The following GRK1 variants were observed in gnomAD, a reference collection of about 807,000 sequenced individuals.
GRK1 encodes G protein-coupled receptor kinase 1, also known as rhodopsin kinase GRK1.
Under a neutral mutation model 41.7 loss-of-function variants are expected in GRK1, and 28 were observed. The ratio of observed to expected loss-of-function variants is 0.67; its 90% CI spans 0.50 to 0.92. The LOEUF (loss-of-function observed/expected upper bound fraction) is 0.92, where lower values mean the gene tolerates loss of function less well. Ranked by LOEUF, GRK1 falls within the 40% of genes least tolerant of loss-of-function variation. The probability of loss-of-function intolerance (pLI) is 0.00; values close to 1 mark genes in which losing one functional copy is unlikely to be tolerated. For synonymous variants in GRK1, 327 were observed against 286.7 expected (o/e 1.14, Z -1.42); for missense variants, 703 against 671.2 (o/e 1.05, Z -0.52).
upstream of GRK1, among the ~76,000 whole-genome samples, chr13:113,662,900 C>A (rs2049798362): frequency 6.6e-6 from 1 of 152,170 alleles, no homozygotes; most frequent in South Asian, 2.1e-4. Flanking sequence ...TAATTCCTAT[C>A]AAAATCCAGA....
intron 4 of GRK1, among the ~76,000 whole-genome samples, chr13:113,728,646 G>A (rs376412172): frequency 3.9e-5 from 6 of 152,108 alleles, no homozygotes; most frequent in Non-Finnish European, 5.9e-5. Flanking sequence ...ACTCAGAGAC[G>A]CCCCGGCTCC....
Position 113,733,975 on chromosome 13 carries a change from T to C in GRK1, c.1396+890T>C, listed in dbSNP as rs992793426. ...GTGTGCATACGTGTGTGTGCGTGTGTGCGCATGTGTGTGCATACATGTGTG... is the reference window on the plus strand; with the variant it reads ...GTGTGCATACGTGTGTGTGCGTGTGCGCGCATGTGTGTGCATACATGTGTG... On this transcript the variant is annotated intron_variant, in intron 6 of 6. Transcript: ENST00000335678. Among the ~76,000 whole-genome samples the C allele has an allele frequency of 6.7e-4, 79 of 117,380 alleles. 4 individuals carry two copies. Among genetic ancestry groups the C allele is most frequent in the Admixed American group, 2.6e-3 (31 of 12,120 alleles). The allele number at this position is 117,380 out of a possible 152,430, so 77.0% of individuals were successfully genotyped here.
At chr13:113,658,300 G>A in the GRK1 span, 68 of 672,248 alleles carry the variant, frequency 1.0e-4, no homozygotes, top group African/African-American at 6.9e-4. Context: ...GTTTATCAGC[G>A]CCGGCCATCG....
At chr13:113,652,753 A>T in the GRK1 span, 1 of 1,142,408 alleles carries the variant, frequency 8.8e-7, no homozygotes, top group Non-Finnish European at 1.3e-6. Context: ...GTGAGGCTGG[A>T]GTCCCTGTCC....
chr13:113,661,465 A>AAAGC, the GRK1 span, among the ~76,000 whole-genome samples: 1 of 152,132 alleles, frequency 6.6e-6, no homozygotes, highest in African/African-American at 2.4e-5. Context: ...AAACAAAGCA[A>AAAGC]AAGCAAGCAA....
chr13:113,733,974 G>A (rs1443514086), intron 6 of GRK1, among the ~76,000 whole-genome samples: 2 of 118,294 alleles, frequency 1.7e-5, no homozygotes, highest in Admixed American at 1.6e-4. Context: ...GTGTGCGTGT[G>A]TGCGCATGTG....
chr13:113,733,890 C>CGTGTGT (rs1195094143), intron 6 of GRK1, among the ~76,000 whole-genome samples: 1 of 70,546 alleles, frequency 1.4e-5, no homozygotes, highest in Non-Finnish European at 2.9e-5. Context: ...TACGTGTGTG[C>CGTGTGT]GTGTGTGTAT....
the GRK1 span, chr13:113,651,723 ACGATCTAGAAGGGAAAAG>A: frequency 6.2e-7 from 1 of 1,613,742 alleles, no homozygotes; most frequent in Non-Finnish European, 8.5e-7. Context: ...GAGGAACTTG[ACGATCTAGAAGGGAAAAG>A]CTTGAGCGTG....
chr13:113,733,886 TGTGCGTGTGTGTATGTGTGCATACA>T (rs1566700217), intron 6 of GRK1, among the ~76,000 whole-genome samples: 15 of 100,208 alleles, frequency 1.5e-4, no homozygotes, highest in African/African-American at 7.0e-4. Flanking sequence ...TGCATACGTG[TGTGCGTGTGTGTATGTGTGCATACA>T]GTGTGCGTGT....
rs565688978 is a variant in GRK1, at chr13:113,733,801, ATC to A, written c.1396+718_1396+719del. On this transcript the variant is annotated intron_variant, in intron 6 of 6. Coordinates refer to ENST00000335678, the MANE Select transcript of GRK1 (RefSeq NM_002929.3). Reference sequence around the variant, plus strand: ...TACGTGTGTGCATGTGTGTATGTGTATCTGTGTGCATACGTGTGTGCGTGTGT... The same window carrying A: ...TACGTGTGTGCATGTGTGTATGTGTATGTGTGCATACGTGTGTGCGTGTGT... Among the ~76,000 whole-genome samples the A allele has an allele frequency of 2.4e-3, 149 of 61,990 alleles. 6 individuals carry two copies. In the East Asian group the frequency reaches 0.055, roughly 23 times the overall value. 40.7% of individuals were successfully genotyped at this position (61,990 alleles called of 152,430 possible). A position where few individuals can be genotyped will look rare whatever the true frequency, so the allele number is the denominator to read the frequency against.
At chr13:113,734,933 CACG>C in intron 6 of GRK1, 132 bp from the exon 7 acceptor site, 2 of 877,256 alleles carry the variant, frequency 2.3e-6, no homozygotes. Context: ...TCTCAGCCTC[CACG>C]ACACTTCCCT....
At chr13:113,649,105 T>G in the GRK1 span, 1 of 295,746 alleles carries the variant, frequency 3.4e-6, no homozygotes, top group Non-Finnish European at 6.4e-6. This position sits in a 1 kb window ranked among gnomAD's most constrained non-coding sequence, Gnocchi z 4.7. Flanking sequence ...AATTAGAGAG[T>G]TGCTGCCTTG....
chr13:113,653,681 G>GCTGGCTCTCTCCACCGGGTGC, the GRK1 span, among the ~76,000 whole-genome samples: 1 of 152,338 alleles, frequency 6.6e-6, no homozygotes, highest in Non-Finnish European at 1.5e-5. Flanking sequence ...GTGGGGGGTG[G>GCTGGCTCTCTCCACCGGGTGC]CTGGCTCTCT....
Position 113,667,347 on chromosome 13 carries a change from T to A in GRK1, c.-40T>A. On this transcript the variant is annotated 5_prime_UTR_variant, in exon 1 of 7. Coordinates refer to ENST00000335678, the MANE Select transcript of GRK1 (RefSeq NM_002929.3). This position sits in a 1 kb window ranked among gnomAD's most constrained non-coding sequence, Gnocchi z 7.5. ...TGAACGCTCCCGGCTTGGCCTCGGC[T>A]GATGGGCCCTCACGCCTGAAGCGGG... 2 of 1,492,536 alleles carry A rather than the reference T, an allele frequency of 1.3e-6. No individual in the cohort carries two copies. Among genetic ancestry groups the A allele is most frequent in the Non-Finnish European group, 1.8e-6 (2 of 1,118,452 alleles). The allele number at this position is 1,492,536 out of a possible 1,614,324, so 92.5% of individuals were successfully genotyped here.
At chr13:113,727,685 GCGA>G (rs2049898984) in intron 4 of GRK1, among the ~76,000 whole-genome samples, 1 of 133,644 alleles carries the variant, frequency 7.5e-6, no homozygotes, top group African/African-American at 2.9e-5. Flanking sequence ...AGTACCCATG[GCGA>G]TGAGGACCCA....
rs1027673470 is a variant in GRK1 at position 113,731,198 on chromosome 13, C to T, written c.1070-21C>T. On this transcript the variant is annotated intron_variant, in intron 4 of 6. Coordinates refer to ENST00000335678, the MANE Select transcript of GRK1 (RefSeq NM_002929.3). This position sits in a 1 kb window ranked among gnomAD's most constrained non-coding sequence, Gnocchi z 5.6. ...CCATGGAGGTGACCACCTCTGAACCCGCAATGTCCCTTGCTGGCAGGTTTC... is the reference window on the plus strand; with the variant it reads ...CCATGGAGGTGACCACCTCTGAACCTGCAATGTCCCTTGCTGGCAGGTTTC... The T allele has an allele frequency of 3.9e-6, 6 of 1,535,888 alleles. No homozygotes were observed. Among genetic ancestry groups the T allele is most frequent in the Admixed American group, 2.0e-5 (1 of 50,942 alleles).
chr13:113,650,663 A>G, the GRK1 span, among the ~76,000 whole-genome samples: 2 of 152,096 alleles, frequency 1.3e-5, no homozygotes, highest in Non-Finnish European at 2.9e-5. The surrounding 1 kb of genome is among the most constrained non-coding windows in gnomAD (Gnocchi z 5.0). Context: ...CAATCTTTCT[A>G]ATCAGTGCTG....
the GRK1 span, among the ~76,000 whole-genome samples, chr13:113,650,765 G>A: frequency 7.2e-5 from 11 of 152,178 alleles, no homozygotes; most frequent in East Asian, 1.9e-4. This position sits in a 1 kb window ranked among gnomAD's most constrained non-coding sequence, Gnocchi z 5.0. Context: ...GAAGGATGAC[G>A]CAGGTGGGTG....
At chr13:113,723,744 C>T (rs189912588) in intron 4 of GRK1, among the ~76,000 whole-genome samples, 1 of 151,950 alleles carries the variant, frequency 6.6e-6, no homozygotes, top group Admixed American at 6.5e-5. Flanking sequence ...TTTCCTTTTA[C>T]AGTGTGCCTG....
Sources: allele counts gnomAD v4.1 joint callset (sites outside exome capture counted in the v4.1 genomes callset), GRCh38; gene constraint gnomAD v4.1.1; non-coding constraint Gnocchi (gnomAD v3.1); transcripts MANE v1.5; gene names NCBI Gene and HGNC (gene_info 2026-07-23, HGNC 2026-07-21).